NTM: variants seen among roughly 807,000 people sequenced by gnomAD.
NTM encodes the protein IgLON family member 2.
In NTM, 13 loss-of-function variants were observed where a neutral mutation model predicts 42.1. The ratio of observed to expected loss-of-function variants is 0.31; its 90% CI spans 0.20 to 0.49. The LOEUF is 0.49. Among genes scored for constraint, NTM ranks in the 20% least tolerant of loss-of-function variants. The pLI, the probability that NTM is intolerant of heterozygous loss-of-function variation, is 0.99. For missense variants in NTM, 373 were observed against 452.8 expected (o/e 0.82, Z 1.60); for synonymous variants, 187 against 179.2 (o/e 1.04, Z -0.35).
intron 2 of NTM, among the ~76,000 whole-genome samples, chr11:132,112,718 TACACACACAC>T (rs61630313): frequency 0.031 from 4,402 of 142,148 alleles, 77 homozygotes; most frequent in Middle Eastern, 0.11. Flanking sequence ...ACTGCACACT[TACACACACAC>T]ACACACACAC....
In NTM at chr11:131,753,044, GAAAA is replaced by G. The variant is rs927991701; in HGVS notation, c.83-158516_83-158513del. Among the ~76,000 whole-genome samples, 259 of 118,012 alleles carry G rather than the reference GAAAA, an allele frequency of 2.2e-3. 1 individual carries two copies. The highest frequency in any genetic ancestry group is 8.2e-3 in the African/African-American group (254 of 30,906). The allele number at this position is 118,012 out of a possible 152,430, so 77.4% of individuals were successfully genotyped here. On this transcript the variant is annotated intron_variant, in intron 1 of 8. Transcript: ENST00000683400. Reference sequence around the variant, plus strand: ...ACAATGAGCACAAACAAATTTACAAGAAAAAAACAAACAACCCCATCAAAAAGTG... The same window carrying G: ...ACAATGAGCACAAACAAATTTACAAGAAACAAACAACCCCATCAAAAAGTG...
intron 2 of NTM, among the ~76,000 whole-genome samples, chr11:131,915,840 G>A (rs2056251508): frequency 6.6e-6 from 1 of 152,152 alleles, no homozygotes; most frequent in African/African-American, 2.4e-5. Flanking sequence ...AGAGCAGTAT[G>A]GGGAAAACTG....
chr11:131,483,566 C>T (rs1021072471), intron 1 of NTM, among the ~76,000 whole-genome samples: 3 of 152,176 alleles, frequency 2.0e-5, no homozygotes, highest in East Asian at 1.9e-4. Flanking sequence ...TAAGGAGAGG[C>T]GGGAATTCAA....
chr11:131,628,457 C>T (rs1188757155), intron 1 of NTM, among the ~76,000 whole-genome samples: 1 of 152,170 alleles, frequency 6.6e-6, no homozygotes, highest in Non-Finnish European at 1.5e-5. Context: ...TGCCCAAGCG[C>T]ACAGACATTT....
chr11:131,406,668 C>G (rs1945842205), intron 1 of NTM, among the ~76,000 whole-genome samples: 1 of 152,196 alleles, frequency 6.6e-6, no homozygotes, highest in South Asian at 2.1e-4. Context: ...ATTATAGCAA[C>G]ATACTGTAAT....
chr11:131,552,642 C>T (rs918514302), intron 1 of NTM, among the ~76,000 whole-genome samples: 17 of 151,734 alleles, frequency 1.1e-4, no homozygotes, highest in African/African-American at 3.6e-4. Flanking sequence ...GGTGAAACAC[C>T]GTCTCTACTA....
chr11:131,999,435 A>G (rs549493183), intron 2 of NTM, among the ~76,000 whole-genome samples: 13 of 152,336 alleles, frequency 8.5e-5, no homozygotes, highest in Non-Finnish European at 1.6e-4. Flanking sequence ...AGTTTGGGGT[A>G]AGAAAGGAAG....
intron 1 of NTM, among the ~76,000 whole-genome samples, chr11:131,577,820 T>A (rs1303498700): frequency 1.3e-5 from 2 of 152,200 alleles, no homozygotes; most frequent in African/African-American, 4.8e-5. Context: ...TAAGATTAAG[T>A]CATGTCAGAC....
chr11:131,671,547 C>T lies in NTM; in HGVS notation c.83-240017C>T, dbSNP rs992218322. ...CTCACCCTCCTCTGGGCTGGCAGGG[C>T]CTACCGGTGGCTACCCTCACCCTCC... is the stretch of plus-strand genomic sequence containing the variant. On this transcript the variant is annotated intron_variant, in intron 1 of 8. Transcript: ENST00000683400. 5.2e-5 allele frequency: 51 copies of T among 981,050 alleles called. No homozygotes were observed. The African/African-American group carries it at 9.1e-4, about 18-fold the overall frequency. The allele number at this position is 981,050 out of a possible 1,614,324, so 60.8% of individuals were successfully genotyped here. A position where few individuals can be genotyped will look rare whatever the true frequency, so the allele number is the denominator to read the frequency against.
At chr11:131,647,451 C>A (rs1441586568) in intron 1 of NTM, among the ~76,000 whole-genome samples, 1 of 152,164 alleles carries the variant, frequency 6.6e-6, no homozygotes, top group Non-Finnish European at 1.5e-5. Flanking sequence ...GGAGGGAGGT[C>A]ATCTGGGGAG....
intron 1 of NTM, among the ~76,000 whole-genome samples, chr11:131,709,208 G>A (rs1267360052): frequency 6.6e-6 from 1 of 152,094 alleles, no homozygotes; most frequent in Non-Finnish European, 1.5e-5. Context: ...AACTACCTAA[G>A]TGTGGGGTTG....
chr11:132,069,247 C>T (rs564504432), intron 2 of NTM, among the ~76,000 whole-genome samples: 34 of 150,126 alleles, frequency 2.3e-4, no homozygotes, highest in African/African-American at 4.7e-4. Context: ...CAAGTTAACA[C>T]GTCACACTGA....
intron 7 of NTM, among the ~76,000 whole-genome samples, chr11:132,320,936 G>A (rs1004757600): frequency 1.3e-5 from 2 of 150,908 alleles, no homozygotes; most frequent in Non-Finnish European, 3.0e-5. Flanking sequence ...CACACTGCAG[G>A]GTACTCCAAC....
At position 132,278,784 on chromosome 11, in the gene NTM, T is replaced by TCTCTCTCTCTCTCTCTC. The variant is rs59045128; in HGVS notation, c.527-28905_527-28904insCTCTCTCTCTCTCTCTC. The stretch of plus-strand genomic sequence containing the variant: ...CTCTCTCTCTCTCTCTCTCTCTCTC[T>TCTCTCTCTCTCTCTCTC]TTACTGCTTAAATGTCAGTAATCTC... On this transcript the variant is annotated intron_variant, in intron 4 of 8. Transcript: ENST00000683400. 5.4e-5 allele frequency among the ~76,000 whole-genome samples: 8 copies of TCTCTCTCTCTCTCTCTC among 148,994 alleles called. No homozygotes were observed. In the East Asian group the frequency reaches 5.9e-4, roughly 11 times the overall value.
At chr11:132,215,125 C>T (rs536629801) in intron 4 of NTM, among the ~76,000 whole-genome samples, 39 of 152,314 alleles carry the variant, frequency 2.6e-4, no homozygotes, top group African/African-American at 9.4e-4. Context: ...GCTTGGTGTT[C>T]CTTGGAGAAG....
chr11:131,795,659 T>G (rs1165925319), intron 1 of NTM: 1 of 985,330 alleles, frequency 1.0e-6, no homozygotes, highest in Non-Finnish European at 1.2e-6. Flanking sequence ...ACAGTGCCAG[T>G]GCCCATAAGT....
At chr11:131,942,522 G>A (rs544829748) in intron 2 of NTM, among the ~76,000 whole-genome samples, 230 of 152,288 alleles carry the variant, frequency 1.5e-3, no homozygotes, top group Middle Eastern at 3.4e-3. Flanking sequence ...GGCCTGGAAG[G>A]GGAATGATGG....
intron 2 of NTM, among the ~76,000 whole-genome samples, chr11:132,030,119 T>C (rs1397368463): frequency 6.6e-6 from 1 of 152,160 alleles, no homozygotes; most frequent in Non-Finnish European, 1.5e-5. Context: ...ACAGAGTGAC[T>C]CTGTTGTAAT....
At chr11:132,220,709 T>C (rs1044093041) in intron 4 of NTM, among the ~76,000 whole-genome samples, 5 of 152,156 alleles carry the variant, frequency 3.3e-5, no homozygotes, top group African/African-American at 1.2e-4. Context: ...TCCCCCACAC[T>C]CTCCAGAGTC....
Sources: gnomAD v4.1 joint callset for allele counts (sites outside exome capture counted in the v4.1 genomes callset) on GRCh38, gnomAD v4.1.1 for gene constraint, MANE v1.5 for transcripts, NCBI Gene and HGNC (gene_info 2026-07-23, HGNC 2026-07-21) for gene names.